The following CRYBG1 variants were observed in gnomAD, a reference collection of about 807,000 sequenced individuals.
CRYBG1 encodes the protein beta/gamma crystallin domain-containing protein 1.
CRYBG1 carries 139 observed loss-of-function variants against 189.2 expected under a neutral mutation model. That is an observed-to-expected ratio of 0.73 (90% CI 0.64 to 0.85). The LOEUF (loss-of-function observed/expected upper bound fraction) is 0.85, where lower values mean the gene tolerates loss of function less well. Ranked by LOEUF, CRYBG1 falls within the 40% of genes least tolerant of loss-of-function variation. The probability of loss-of-function intolerance (pLI) is 0.00; values close to 1 mark genes in which losing one functional copy is unlikely to be tolerated. For missense variants in CRYBG1, 2,611 were observed against 2,675.8 expected (o/e 0.98, Z 0.53); for synonymous variants, 1,023 against 1,017.1 (o/e 1.01, Z -0.11).
chr6:106,415,552 C>T lies in CRYBG1; in HGVS notation c.174-36142C>T, dbSNP rs536088481. On this transcript the variant is annotated intron_variant, in intron 1 of 21. Transcript: ENST00000633556. Reference sequence around the variant, plus strand: ...AAGCCTGGGTAACGTGGAAAAATCCCGTCTCTACAAAAAAAAAATGAAAAT... The same window carrying T: ...AAGCCTGGGTAACGTGGAAAAATCCTGTCTCTACAAAAAAAAAATGAAAAT... Among the ~76,000 whole-genome samples the T allele has an allele frequency of 9.4e-5, 14 of 148,480 alleles. No individual in the cohort carries two copies. In the East Asian group the frequency reaches 1.8e-3, roughly 19 times the overall value.
intron 1 of CRYBG1, among the ~76,000 whole-genome samples, chr6:106,413,017 G>C (rs562922401): frequency 6.6e-6 from 1 of 150,648 alleles, no homozygotes; most frequent in South Asian, 2.1e-4. Context: ...CTGTAAGAAA[G>C]ACTGGGTCCA....
intron 1 of CRYBG1, among the ~76,000 whole-genome samples, chr6:106,401,869 G>A (rs1267764038): frequency 2.0e-5 from 3 of 150,884 alleles, no homozygotes; most frequent in African/African-American, 7.4e-5. Context: ...ATAAACATAC[G>A]TGTGCATGTG....
chr6:106,558,587 C>G lies in CRYBG1; in HGVS notation c.5817C>G (p.Phe1939Leu). 1 of 1,613,754 alleles carries G rather than the reference C, an allele frequency of 6.2e-7. No homozygotes were observed. The highest frequency in any genetic ancestry group is 2.2e-5 in the East Asian group (1 of 44,862). ...CTGTCAATCTCCGATCCCTGGGATTCAACACACAAATACGCTCTGTTCAGG... is the reference window on the plus strand; with the variant it reads ...CTGTCAATCTCCGATCCCTGGGATTGAACACACAAATACGCTCTGTTCAGG... ...AETVNLRSLG[F>L]NTQIRSVQVI... Residue 1939 changes from phenylalanine (F) to leucine (L), a missense_variant, in exon 18 of 22, where the codon TTC (phenylalanine) becomes TTG (leucine). Physicochemically the swap from Phe to Leu is conservative, Grantham distance 22 (BLOSUM62 0). Transcript: ENST00000633556.
intron 1 of CRYBG1, among the ~76,000 whole-genome samples, chr6:106,364,664 G>A (rs1582721626): frequency 1.3e-5 from 2 of 152,316 alleles, no homozygotes; most frequent in Non-Finnish European, 2.9e-5. Context: ...TGAGCATGGC[G>A]AGCTGTGGCC....
At chr6:106,433,858 T>G (rs942177577) in intron 1 of CRYBG1, among the ~76,000 whole-genome samples, 2 of 150,254 alleles carry the variant, frequency 1.3e-5, no homozygotes, top group African/African-American at 2.5e-5. Flanking sequence ...AAGACACGAA[T>G]TTTCTATTGC....
At chr6:106,448,074 G>A (rs752566524) in intron 1 of CRYBG1, among the ~76,000 whole-genome samples, 21 of 152,166 alleles carry the variant, frequency 1.4e-4, no homozygotes, top group Non-Finnish European at 2.4e-4. Context: ...CTCCTGGGAC[G>A]GCCTGAGTTT....
chr6:106,494,230 G>A (rs565780250), intron 2 of CRYBG1, among the ~76,000 whole-genome samples: 1 of 152,204 alleles, frequency 6.6e-6, no homozygotes, highest in Non-Finnish European at 1.5e-5. Flanking sequence ...GGTGGCAGGG[G>A]GTGGGCAGAG....
chr6:106,384,719 T>A (rs1399643589), intron 1 of CRYBG1, among the ~76,000 whole-genome samples: 2 of 152,056 alleles, frequency 1.3e-5, no homozygotes, highest in Admixed American at 6.6e-5. Flanking sequence ...CTCATACTTT[T>A]AAGTATGTTA....
At position 106,512,717 on chromosome 6, in the gene CRYBG1, C is replaced by T. The variant is rs1002065988; in HGVS notation, c.1600C>T (p.Arg534Trp). Residue 534 changes from arginine (R) to tryptophan (W), a missense_variant, in exon 3 of 22, where the codon CGG becomes TGG. Physicochemically the swap from Arg to Trp is moderately radical, Grantham distance 101 (BLOSUM62 -3). Around this residue, in one of 3 missense-constraint regions of CRYBG1, gnomAD observed 985 missense variants for 924.4 expected, o/e 1.07. Transcript: ENST00000633556. ...AVPAPPASGPRAPAKESPPKR... is the reference protein window; with the variant it reads ...AVPAPPASGPWAPAKESPPKR... ...GCCCGCCCCGCCCGCCAGCGGCCCC[C>T]GGGCTCCCGCCAAGGAGTCCCCACC... 3.9e-6 allele frequency: 6 copies of T among 1,553,022 alleles called. No homozygotes were observed. Among genetic ancestry groups the T allele is most frequent in the Non-Finnish European group, 4.3e-6 (5 of 1,149,450 alleles).
At chr6:106,488,653 G>C (rs186163303) in intron 2 of CRYBG1, among the ~76,000 whole-genome samples, 50 of 152,252 alleles carry the variant, frequency 3.3e-4, no homozygotes, top group Admixed American at 2.4e-3. Flanking sequence ...CTGTCAGGCA[G>C]GGGGGTGGGT....
intron 1 of CRYBG1, among the ~76,000 whole-genome samples, chr6:106,448,349 A>C (rs1771709424): frequency 6.6e-6 from 1 of 152,196 alleles, no homozygotes; most frequent in Non-Finnish European, 1.5e-5. Flanking sequence ...TTCCTGTTTT[A>C]GAATGATGGT....
chr6:106,410,885 G>A (rs770582789), intron 1 of CRYBG1, among the ~76,000 whole-genome samples: 4 of 152,200 alleles, frequency 2.6e-5, no homozygotes, highest in Non-Finnish European at 4.4e-5. Context: ...GGGAGGGATA[G>A]CATTAGGAGA....
intron 13 of CRYBG1, 150 bp downstream of exon 13, chr6:106,545,083 A>G: frequency 3.0e-6 from 2 of 659,728 alleles, no homozygotes; most frequent in Non-Finnish European, 4.8e-6. Flanking sequence ...TGCTGTCATG[A>G]TATTTTCGTT....
At chr6:106,492,642 T>G (rs999119780) in intron 2 of CRYBG1, among the ~76,000 whole-genome samples, 1 of 152,140 alleles carries the variant, frequency 6.6e-6, no homozygotes, top group African/African-American at 2.4e-5. Context: ...AAGCACTGCT[T>G]CTTCTACGCA....
chr6:106,494,490 T>C (rs1023255957), intron 2 of CRYBG1, among the ~76,000 whole-genome samples: 1 of 152,174 alleles, frequency 6.6e-6, no homozygotes, highest in Non-Finnish European at 1.5e-5. Context: ...AATATATGTT[T>C]CTAGTACTGG....
At chr6:106,499,851 A>T (rs1772962713) in intron 2 of CRYBG1, among the ~76,000 whole-genome samples, 1 of 152,178 alleles carries the variant, frequency 6.6e-6, no homozygotes, top group African/African-American at 2.4e-5. Flanking sequence ...TCTGGTAACC[A>T]CTATTCTACT....
At chr6:106,499,780 C>T (rs2114507518) in intron 2 of CRYBG1, among the ~76,000 whole-genome samples, 1 of 152,226 alleles carries the variant, frequency 6.6e-6, no homozygotes, top group South Asian at 2.1e-4. Flanking sequence ...ACTTATTGCT[C>T]CTAATTGAAA....
chr6:106,531,432 C>T (rs1201930993), intron 8 of CRYBG1, among the ~76,000 whole-genome samples: 1 of 152,066 alleles, frequency 6.6e-6, no homozygotes, highest in Admixed American at 6.6e-5. Flanking sequence ...CATAGGAGGT[C>T]CCAGGAAAAA....
At chr6:106,525,606 A>C (rs1402066385) in intron 6 of CRYBG1, among the ~76,000 whole-genome samples, 1 of 152,244 alleles carries the variant, frequency 6.6e-6, no homozygotes, top group Non-Finnish European at 1.5e-5. Context: ...AAAAATCAGA[A>C]CAATACAGTA....
Sources: gnomAD v4.1 joint callset for allele counts (sites outside exome capture counted in the v4.1 genomes callset) on GRCh38, gnomAD v4.1.1 for gene constraint, gnomAD v4.1.1 regional missense constraint, MANE v1.5 for transcripts, NCBI Gene and HGNC (gene_info 2026-07-23, HGNC 2026-07-21) for gene names.